PEX5L: variants seen among roughly 807,000 people sequenced by gnomAD.
PEX5L encodes PEX5-related protein.
In PEX5L, 30 loss-of-function variants were observed where a neutral mutation model predicts 84.0. The observed-to-expected ratio is 0.36, with a 90% CI of 0.27 to 0.48. The LOEUF (loss-of-function observed/expected upper bound fraction) is 0.48. Among genes scored for constraint, PEX5L ranks in the 20% least tolerant of loss-of-function variants. PEX5L has a pLI of 0.99. For synonymous variants in PEX5L, 270 were observed against 283.1 expected (o/e 0.95, Z 0.46); for missense variants, 533 against 754.6 (o/e 0.71, Z 3.44).
At chr3:179,877,903 G>C (rs991194866) in intron 5 of PEX5L, among the ~76,000 whole-genome samples, 1 of 152,196 alleles carries the variant, frequency 6.6e-6, no homozygotes, top group African/African-American at 2.4e-5. Context: ...GCAGGGGAGA[G>C]GCGTTCCTGT....
rs535799954 is a variant in PEX5L at position 180,003,818 on chromosome 3, A to G, written c.22-32153T>C. On this transcript the variant is annotated intron_variant, in intron 1 of 14. Coordinates refer to ENST00000467460, the MANE Select transcript of PEX5L (RefSeq NM_016559.3). ...TTGGCTACTAAGGTGATATTAAAGA[A>G]TAAATAAATTTCTTAATATCCAGTA... Among the ~76,000 whole-genome samples the G allele has an allele frequency of 2.6e-5, 4 of 152,344 alleles. No homozygotes were observed. In the East Asian group the frequency reaches 7.7e-4, roughly 29 times the overall value.
chr3:179,840,161 TTGTGTGTGTGTGTG>T (rs1235556692), intron 8 of PEX5L, among the ~76,000 whole-genome samples: 30 of 123,768 alleles, frequency 2.4e-4, no homozygotes, highest in African/African-American at 9.8e-4. Context: ...AAGTTGTTTT[TTGTGTGTGTGTGTG>T]TGTGTGTGTT....
intron 1 of PEX5L, among the ~76,000 whole-genome samples, chr3:180,013,665 G>T (rs1219498104): frequency 6.6e-6 from 1 of 152,068 alleles, no homozygotes; most frequent in East Asian, 1.9e-4. Context: ...AGAACGCCTG[G>T]TATATGTAAG....
chr3:180,027,024 T>C (rs1030237236), intron 1 of PEX5L, among the ~76,000 whole-genome samples: 4 of 152,152 alleles, frequency 2.6e-5, no homozygotes, highest in South Asian at 2.1e-4. Flanking sequence ...CATTTTGAAA[T>C]AGGATTTTGG....
chr3:179,911,724 G>T (rs1765249331), intron 2 of PEX5L, among the ~76,000 whole-genome samples: 2 of 152,064 alleles, frequency 1.3e-5, no homozygotes, highest in Admixed American at 1.3e-4. Flanking sequence ...GTCTGGATCT[G>T]GTCCATTATA....
chr3:179,840,466 G>A (rs1340121494), intron 8 of PEX5L, among the ~76,000 whole-genome samples: 1 of 152,050 alleles, frequency 6.6e-6, no homozygotes, highest in Non-Finnish European at 1.5e-5. Context: ...TGGGCTTACA[G>A]ATGTGACCCA....
At chr3:179,998,726 GA>G (rs969047475) in intron 1 of PEX5L, among the ~76,000 whole-genome samples, 1 of 152,196 alleles carries the variant, frequency 6.6e-6, no homozygotes, top group African/African-American at 2.4e-5. Context: ...ATCATCAAAT[GA>G]AAGTGGTATA....
chr3:179,820,213 C>A (rs927393646), intron 8 of PEX5L: 4 of 523,782 alleles, frequency 7.6e-6, no homozygotes, highest in Non-Finnish European at 1.4e-5. Context: ...AAGACCAGGA[C>A]CACATATGCC....
At chr3:179,868,042 C>CTTTTTTTT (rs71628101) in intron 7 of PEX5L, among the ~76,000 whole-genome samples, 1 of 116,360 alleles carries the variant, frequency 8.6e-6, no homozygotes, top group African/African-American at 3.2e-5. Context: ...TCTTCTTCTT[C>CTTTTTTTT]TTTTTTTTTT....
intron 2 of PEX5L, among the ~76,000 whole-genome samples, chr3:179,970,682 T>A (rs911384199): frequency 1.3e-5 from 2 of 152,142 alleles, no homozygotes; most frequent in East Asian, 3.9e-4. Context: ...TTCAGAAATA[T>A]GTACAACAGC....
intron 8 of PEX5L, among the ~76,000 whole-genome samples, chr3:179,832,103 A>T (rs1733228698): frequency 6.6e-6 from 1 of 152,138 alleles, no homozygotes; most frequent in Non-Finnish European, 1.5e-5. Context: ...TGTCTATATA[A>T]GAGATGATAG....
chr3:179,849,242 A>C (rs1355738255), intron 8 of PEX5L, among the ~76,000 whole-genome samples: 1 of 152,200 alleles, frequency 6.6e-6, no homozygotes, highest in Non-Finnish European at 1.5e-5. Context: ...TTTGTAATTA[A>C]TACAGTTCTA....
At position 180,016,550 on chromosome 3, in the gene PEX5L, T is replaced by C. The variant is rs1789965577; in HGVS notation, c.21+20029A>G. Among the ~76,000 whole-genome samples, 5 of 152,160 alleles carry C rather than the reference T, an allele frequency of 3.3e-5. No homozygotes were observed. The South Asian group carries it at 1.0e-3, about 32-fold the overall frequency. On this transcript the variant is annotated intron_variant, in intron 1 of 14. Transcript: ENST00000467460. ...CAGGAATGAACAATACAGAAAATTC[T>C]TGCTGATTTTTATCACAAAAGAAGT...
At chr3:179,858,226 G>A (rs779042944) in intron 8 of PEX5L, among the ~76,000 whole-genome samples, 3 of 151,604 alleles carry the variant, frequency 2.0e-5, no homozygotes, top group Non-Finnish European at 2.9e-5. Flanking sequence ...TAATAGAAAC[G>A]GAGTTTCCAA....
intron 8 of PEX5L, among the ~76,000 whole-genome samples, chr3:179,843,192 C>A (rs1317032421): frequency 2.0e-5 from 3 of 152,150 alleles, no homozygotes; most frequent in African/African-American, 7.2e-5. Context: ...ATCATAGACA[C>A]AGATCATCAC....
chr3:179,932,348 A>G (rs1289893552), intron 2 of PEX5L, among the ~76,000 whole-genome samples: 2 of 152,136 alleles, frequency 1.3e-5, no homozygotes, highest in African/African-American at 4.8e-5. Flanking sequence ...GGTGAATTTG[A>G]ACTGCTTTTT....
At chr3:179,809,335 C>A (rs1442876637) in intron 12 of PEX5L, 136 bp downstream of exon 12, 10 of 663,864 alleles carry the variant, frequency 1.5e-5, no homozygotes, top group Non-Finnish European at 2.1e-5. Flanking sequence ...GAGTGATGCT[C>A]CTCCAGCAGA....
At position 179,875,372 on chromosome 3, in the gene PEX5L, C is replaced by T. The variant is rs777297402; in HGVS notation, c.611G>A (p.Gly204Glu). The T allele has an allele frequency of 1.5e-5, 24 of 1,613,852 alleles. No homozygotes were observed. The South Asian group carries it at 2.6e-4, about 18-fold the overall frequency. ...AERKSSSSRT[G>E]SKELLWSSEH... Reference sequence around the variant, plus strand: ...ACCTTACCATAAGAGCTCTTTTGATCCAGTTCTAGATGAGGATGATTTTCT... The same window carrying T: ...ACCTTACCATAAGAGCTCTTTTGATTCAGTTCTAGATGAGGATGATTTTCT... The change falls in exon 6 of 15, where the codon GGA becomes GAA. Residue 204 changes from glycine to glutamate, a missense_variant. By Grantham distance (98) the Gly-to-Glu change is moderately conservative (BLOSUM62 -2). This residue lies in a region of PEX5L where 259 missense variants were observed against 301.7 expected (regional missense o/e 0.86). Transcript: ENST00000467460.
rs112241978 is a variant in PEX5L, at chr3:179,868,898, G to C, written c.726+5429C>G. ...TACCTCACTGGGGGGTTGGGTCTTC[G>C]TTCCGAGGGCTCCTGTGTATACACG... On this transcript the variant is annotated intron_variant, in intron 7 of 14. Transcript: ENST00000467460. Among the ~76,000 whole-genome samples, 7 of 151,330 alleles carry C rather than the reference G, an allele frequency of 4.6e-5. 1 individual carries two copies. Among genetic ancestry groups the C allele is most frequent in the African/African-American group, 1.7e-4 (7 of 41,454 alleles).
Sources: gnomAD v4.1 joint callset for allele counts (sites outside exome capture counted in the v4.1 genomes callset) on GRCh38, gnomAD v4.1.1 for gene constraint, gnomAD v4.1.1 regional missense constraint, MANE v1.5 for transcripts, NCBI Gene and HGNC (gene_info 2026-07-23, HGNC 2026-07-21) for gene names.